Variants in CACNA1A observed in about 807,000 individuals in gnomAD.
The protein encoded by CACNA1A is voltage-dependent P/Q-type calcium channel subunit alpha-1A.
A neutral mutation model predicts 262.4 loss-of-function variants in CACNA1A; 57 were observed. The observed-to-expected ratio is 0.22, with a 90% CI of 0.18 to 0.27. The LOEUF (loss-of-function observed/expected upper bound fraction) is 0.27. Ranked by LOEUF, CACNA1A falls within the 10% of genes least tolerant of loss-of-function variation. CACNA1A has a pLI of 1.00. For synonymous variants in CACNA1A, 1,431 were observed against 1,419.3 expected, an observed-to-expected ratio of 1.01 and a Z score of -0.18; for missense variants, 2,526 against 3,562.8, an observed-to-expected ratio of 0.71 and a Z score of 7.41.
At chr19:13,351,929 GCCA>G (rs1892602514) in intron 6 of CACNA1A, among the ~76,000 whole-genome samples, 1 of 152,158 alleles carries the variant, frequency 6.6e-6, no homozygotes, top group Non-Finnish European at 1.5e-5. Flanking sequence ...ACAGATGTGA[GCCA>G]CCAAGGCTGG....
intron 3 of CACNA1A, among the ~76,000 whole-genome samples, chr19:13,413,945 A>AAGAAAGAAAGAAAGAG (rs1219508319): frequency 6.7e-6 from 1 of 149,002 alleles, no homozygotes; most frequent in African/African-American, 2.4e-5. Flanking sequence ...GAAAGAAAGA[A>AAGAAAGAAAGAAAGAG]AAGGAAGGCA....
At chr19:13,444,316 G>A (rs1439853367) in intron 3 of CACNA1A, among the ~76,000 whole-genome samples, 1 of 152,178 alleles carries the variant, frequency 6.6e-6, no homozygotes, top group Non-Finnish European at 1.5e-5. Context: ...ACTGTTGCTG[G>A]TCTCATGAGT....
intron 3 of CACNA1A, among the ~76,000 whole-genome samples, chr19:13,422,368 A>G (rs998272278): frequency 6.6e-6 from 1 of 152,106 alleles, no homozygotes; most frequent in Non-Finnish European, 1.5e-5. Context: ...AACACAGGTG[A>G]TATGGGTCAA....
intron 6 of CACNA1A, among the ~76,000 whole-genome samples, chr19:13,346,230 T>C (rs2058762025): frequency 6.6e-6 from 1 of 151,584 alleles, no homozygotes; most frequent in African/African-American, 2.4e-5. Flanking sequence ...TCATCTTCCT[T>C]CATCAGCTCC....
chr19:13,230,461 G>A (rs917270015), intron 35 of CACNA1A, among the ~76,000 whole-genome samples: 1 of 152,034 alleles, frequency 6.6e-6, no homozygotes, highest in Non-Finnish European at 1.5e-5. Flanking sequence ...GTGGAGAGAT[G>A]GGGAAGAGGA....
Position 13,303,629 on chromosome 19 carries a change from TC to T in CACNA1A, c.2105-17del. On this transcript the variant is annotated splice_polypyrimidine_tract_variant and intron_variant, in intron 16 of 46. Transcript: ENST00000360228. ...AGGAGGGTGTCTGCAAATGTCTGAG[TC>T]AGGAAAAGCAACCACTGGTGGGACA... is the stretch of plus-strand genomic sequence containing the variant. 1 of 1,611,470 alleles carries T rather than the reference TC, an allele frequency of 6.2e-7. No homozygotes were observed. Among genetic ancestry groups the T allele is most frequent in the Non-Finnish European group, 8.5e-7 (1 of 1,178,376 alleles).
chr19:13,224,541 C>A, intron 38 of CACNA1A, 126 bp downstream of exon 38: 2 of 645,208 alleles, frequency 3.1e-6, no homozygotes, highest in Non-Finnish European at 5.4e-6. Context: ...CCCTGTGGAA[C>A]GAATGAATGG....
chr19:13,496,871 A>G (rs1981595435), intron 1 of CACNA1A, among the ~76,000 whole-genome samples: 1 of 152,146 alleles, frequency 6.6e-6, no homozygotes, highest in Non-Finnish European at 1.5e-5. Flanking sequence ...TAAACATCAG[A>G]TGTATTAACT....
intron 6 of CACNA1A, among the ~76,000 whole-genome samples, chr19:13,337,249 C>T (rs1600367256): frequency 6.6e-6 from 1 of 152,262 alleles, no homozygotes; most frequent in African/African-American, 2.4e-5. Flanking sequence ...AAAATCCAAG[C>T]TCAAGGTGTC....
intron 38 of CACNA1A, among the ~76,000 whole-genome samples, chr19:13,222,470 G>A (rs1208256053): frequency 1.4e-5 from 2 of 139,266 alleles, no homozygotes; most frequent in Non-Finnish European, 3.0e-5. Context: ...AGCTCGGCTC[G>A]CTGCAACCTC....
chr19:13,377,993 C>CAAACA (rs1203131846), intron 3 of CACNA1A, among the ~76,000 whole-genome samples: 1 of 152,018 alleles, frequency 6.6e-6, no homozygotes, highest in Non-Finnish European at 1.5e-5. Flanking sequence ...CCACAACAAA[C>CAAACA]AAACAACAAA....
intron 6 of CACNA1A, among the ~76,000 whole-genome samples, chr19:13,358,008 A>C (rs2059037002): frequency 6.6e-6 from 1 of 152,076 alleles, no homozygotes; most frequent in African/African-American, 2.4e-5. Context: ...CCTTGTCTCC[A>C]AAAAAACAAA....
chr19:13,455,366 G>A (rs900527928), intron 1 of CACNA1A, among the ~76,000 whole-genome samples, 154 bp from the exon 2 acceptor site: 1 of 152,142 alleles, frequency 6.6e-6, no homozygotes, highest in Non-Finnish European at 1.5e-5. Flanking sequence ...GTCTGGAGTA[G>A]ATCCCTGCAG....
At chr19:13,459,819 G>T (rs549681621) in intron 1 of CACNA1A, among the ~76,000 whole-genome samples, 2 of 152,126 alleles carry the variant, frequency 1.3e-5, no homozygotes, top group African/African-American at 4.8e-5. Context: ...GGCACTGAAG[G>T]TTCCAGGAAG....
intron 1 of CACNA1A, among the ~76,000 whole-genome samples, chr19:13,467,247 C>T (rs2061263316): frequency 1.3e-5 from 2 of 152,082 alleles, no homozygotes; most frequent in African/African-American, 4.8e-5. Flanking sequence ...TGACACACTA[C>T]ACATTTTTTA....
intron 3 of CACNA1A, among the ~76,000 whole-genome samples, chr19:13,379,296 G>A (rs2059472336): frequency 6.6e-6 from 1 of 152,040 alleles, no homozygotes. Flanking sequence ...TAAAATTAAG[G>A]TATGTACATT....
intron 1 of CACNA1A, among the ~76,000 whole-genome samples, chr19:13,473,520 T>C (rs1978294791): frequency 6.6e-6 from 1 of 152,248 alleles, no homozygotes; most frequent in African/African-American, 2.4e-5. Context: ...TTAAGCCATA[T>C]AGTTCATGGC....
chr19:13,279,608 C>T (rs1363137319), intron 22 of CACNA1A, among the ~76,000 whole-genome samples: 4 of 152,028 alleles, frequency 2.6e-5, no homozygotes, highest in African/African-American at 9.7e-5. Context: ...GCCTCAGCCT[C>T]CAAGTGTCTG....
chr19:13,272,948 A>G (rs1417994532), intron 24 of CACNA1A: 3 of 152,190 alleles, frequency 2.0e-5, no homozygotes, highest in Non-Finnish European at 4.4e-5. Flanking sequence ...GGAGAAAAGT[A>G]TATTTTATTA....
Sources: allele counts gnomAD v4.1 joint callset (sites outside exome capture counted in the v4.1 genomes callset), GRCh38; gene constraint gnomAD v4.1.1; transcripts MANE v1.5; gene names NCBI Gene and HGNC (gene_info 2026-07-23, HGNC 2026-07-21).